Variants in TTC23L observed in about 807,000 individuals in gnomAD.
TTC23L encodes tetratricopeptide repeat protein 23-like.
In TTC23L, 42 loss-of-function variants were observed where a neutral mutation model predicts 48.1. That is an observed-to-expected ratio of 0.87 (90% confidence interval 0.68 to 1.13). TTC23L has a LOEUF of 1.13. Ranked by LOEUF, TTC23L falls within the 50% of genes most tolerant of loss-of-function variation. The pLI is 0.00. For synonymous variants in TTC23L, 159 were observed against 157.2 expected, an observed-to-expected ratio of 1.01 and a Z score of -0.09; for missense variants, 391 against 421.0, an observed-to-expected ratio of 0.93 and a Z score of 0.62.
At chr5:34,839,763 T>C in intron 1 of TTC23L, 1 of 558,974 alleles carries the variant, frequency 1.8e-6, no homozygotes, top group Non-Finnish European at 2.3e-6. Context: ...CGATTTGGGT[T>C]TGATTTAAGC....
At chr5:34,925,211 T>C in the TTC23L span, 1 of 1,413,982 alleles carries the variant, frequency 7.1e-7, no homozygotes, top group Non-Finnish European at 9.4e-7. Context: ...TCTAATCTTT[T>C]TTTTTTTTTT....
intron 3 of TTC23L, among the ~76,000 whole-genome samples, chr5:34,845,977 T>C (rs1269566982): frequency 2.0e-5 from 3 of 152,004 alleles, no homozygotes; most frequent in Non-Finnish European, 4.4e-5. Context: ...CGGGAGGATC[T>C]CTTGAGGCCA....
chr5:34,862,866 T>C (rs775060020), intron 4 of TTC23L, 32 bp from the exon 5 acceptor site: 4 of 1,611,826 alleles, frequency 2.5e-6, no homozygotes, highest in East Asian at 4.5e-5. Context: ...TTAATGTCTG[T>C]CTTCTTGCTC....
the TTC23L span, chr5:34,916,119 C>T: frequency 2.2e-6 from 1 of 449,234 alleles, no homozygotes; most frequent in Non-Finnish European, 3.9e-6. Flanking sequence ...AACCTTTACC[C>T]GGCCCACGGG....
At chr5:34,910,257 G>C in the TTC23L span, among the ~76,000 whole-genome samples, 57 of 152,222 alleles carry the variant, frequency 3.7e-4, no homozygotes, top group Non-Finnish European at 6.6e-4. Context: ...TACCCAGGCT[G>C]AGAGAGATCA....
At chr5:34,874,585 C>CA (rs746022828) in intron 8 of TTC23L, among the ~76,000 whole-genome samples, 3 of 151,848 alleles carry the variant, frequency 2.0e-5, no homozygotes, top group Non-Finnish European at 4.4e-5. Flanking sequence ...GAGCTGGGTG[C>CA]AGTGGCTCAT....
At chr5:34,872,593 T>C (rs1215720751) in intron 8 of TTC23L, among the ~76,000 whole-genome samples, 1 of 152,166 alleles carries the variant, frequency 6.6e-6, no homozygotes, top group Non-Finnish European at 1.5e-5. Flanking sequence ...GAGTGTAAAT[T>C]GATATTAAAT....
chr5:34,873,488 G>A (rs776282788), intron 8 of TTC23L, among the ~76,000 whole-genome samples: 3 of 152,126 alleles, frequency 2.0e-5, no homozygotes, highest in Non-Finnish European at 4.4e-5. Flanking sequence ...TTATCACCAC[G>A]GGCCGCACAG....
chr5:34,864,067 C>T (rs532076247), intron 5 of TTC23L, among the ~76,000 whole-genome samples: 9 of 152,168 alleles, frequency 5.9e-5, no homozygotes, highest in Admixed American at 2.0e-4. Context: ...TTCCTTTCAG[C>T]GTAATTAGTT....
At chr5:34,917,694 T>G in the TTC23L span, among the ~76,000 whole-genome samples, 2 of 152,096 alleles carry the variant, frequency 1.3e-5, no homozygotes, top group Non-Finnish European at 2.9e-5. Context: ...CCATATCTAT[T>G]GGAGGTGCTC....
chr5:34,907,009 G>A, the TTC23L span: 3 of 151,892 alleles, frequency 2.0e-5, no homozygotes, highest in African/African-American at 7.3e-5. Flanking sequence ...AACTTCTTTT[G>A]TAGTCACTGC....
chr5:34,852,275 T>G (rs1432395871), intron 4 of TTC23L, among the ~76,000 whole-genome samples: 1 of 152,146 alleles, frequency 6.6e-6, no homozygotes, highest in African/African-American at 2.4e-5. Flanking sequence ...AGGAGGGCAC[T>G]CTGTATAAAA....
intron 9 of TTC23L, among the ~76,000 whole-genome samples, chr5:34,885,104 C>T (rs1762466089): frequency 6.6e-6 from 1 of 152,176 alleles, no homozygotes; most frequent in South Asian, 2.1e-4. Context: ...TGAATAATTT[C>T]CAGTGCATAC....
At chr5:34,884,490 CATG>C (rs1762428087) in intron 9 of TTC23L, among the ~76,000 whole-genome samples, 1 of 151,712 alleles carries the variant, frequency 6.6e-6, no homozygotes, top group Non-Finnish European at 1.5e-5. Context: ...TGCAGAATGA[CATG>C]ATGTTATGTA....
intron 1 of TTC23L, chr5:34,839,794 A>G (rs1355864365): frequency 3.3e-6 from 1 of 300,034 alleles, no homozygotes; most frequent in Non-Finnish European, 4.9e-6. Context: ...GCCTTCCTTG[A>G]GAGTTGAATT....
chr5:34,866,989 C>A, exon 7 of TTC23L: 5 of 1,611,696 alleles, frequency 3.1e-6, no homozygotes, highest in Non-Finnish European at 4.2e-6. Flanking sequence ...GACGTCAGAT[C>A]TGATCAGCCT....
chr5:34,906,135 A>C, the TTC23L span: 1 of 151,934 alleles, frequency 6.6e-6, no homozygotes, highest in South Asian at 2.1e-4. Context: ...TTGTATTTTT[A>C]GTAGAGGTAG....
At chr5:34,841,262 T>G (rs895212787) in intron 2 of TTC23L, among the ~76,000 whole-genome samples, 1 of 152,088 alleles carries the variant, frequency 6.6e-6, no homozygotes, top group Non-Finnish European at 1.5e-5. Context: ...AATGAGAAAA[T>G]TTTTATGAAA....
At position 34,880,556 on chromosome 5, in the gene TTC23L, G is replaced by T; in HGVS notation, c.1077+248G>T. ...TTTGTACTTGGAAACTGCAGAGTAG[G>T]CTCAAAGTATTTTAGAGGGACTCGA... On this transcript the variant is annotated intron_variant, in intron 9 of 10. Coordinates refer to ENST00000505624, the Ensembl canonical transcript of TTC23L. 8.4e-6 allele frequency: 4 copies of T among 477,400 alleles called. No homozygotes were observed. In the South Asian group the frequency reaches 8.5e-5, roughly 10 times the overall value. 29.6% of individuals were successfully genotyped at this position (477,400 alleles called of 1,614,324 possible). A position where few individuals can be genotyped will look rare whatever the true frequency, so the allele number is the denominator to read the frequency against.
Sources: gnomAD v4.1 joint callset for allele counts (sites outside exome capture counted in the v4.1 genomes callset) on GRCh38, gnomAD v4.1.1 for gene constraint, MANE v1.5 for transcripts, NCBI Gene and HGNC (gene_info 2026-07-23, HGNC 2026-07-21) for gene names.